Variants in INAVA observed in about 807,000 individuals in gnomAD.
INAVA encodes innate immunity activator, also known as innate immunity activator protein.
A neutral mutation model predicts 55.3 loss-of-function variants in INAVA; 32 were observed. The ratio of observed to expected loss-of-function variants is 0.58; its 90% CI spans 0.44 to 0.78. The LOEUF (loss-of-function observed/expected upper bound fraction) is 0.78, where lower values mean the gene tolerates loss of function less well. INAVA is among the 30% of genes least tolerant of loss of function. The pLI is 0.00. For synonymous variants in INAVA, 294 were observed against 329.4 expected, an observed-to-expected ratio of 0.89 and a Z score of 1.16; for missense variants, 756 against 786.4, an observed-to-expected ratio of 0.96 and a Z score of 0.46.
rs780332935 is a variant in INAVA at position 200,909,209 on chromosome 1, C to T, written c.786-15C>T. ...AGGCATTCCTGCCACTGACCTGTCTCTAATCCTTTTGCAGCAGCCCAGCCA... is the reference window on the plus strand; with the variant it reads ...AGGCATTCCTGCCACTGACCTGTCTTTAATCCTTTTGCAGCAGCCCAGCCA... On this transcript the variant is annotated splice_polypyrimidine_tract_variant and intron_variant, in intron 7 of 9. Transcript: ENST00000413687. The T allele has an allele frequency of 6.0e-6, 9 of 1,499,476 alleles. No individual in the cohort carries two copies. Among genetic ancestry groups the T allele is most frequent in the South Asian group, 2.7e-5 (2 of 72,760 alleles). 92.9% of individuals were successfully genotyped at this position (1,499,476 alleles called of 1,614,324 possible). A position where few individuals can be genotyped will look rare whatever the true frequency, so the allele number is the denominator to read the frequency against.
At chr1:200,895,247 G>A (rs902714732) in intron 1 of INAVA, among the ~76,000 whole-genome samples, 160 bp downstream of exon 1, 14 of 152,246 alleles carry the variant, frequency 9.2e-5, no homozygotes, top group East Asian at 1.9e-4. Flanking sequence ...GGGCTTGGAC[G>A]GGAGCCTGTT....
chr1:200,898,307 C>A lies in INAVA; in HGVS notation c.-94C>A. ...TTATTGTTCTCTTTTCTCTTTAAAG[C>A]TGGGGAAGCTCCAGGCTACCTACAC... On this transcript the variant is annotated splice_region_variant and 5_prime_UTR_variant, in exon 2 of 10. It adds an upstream start codon to the 5' untranslated region. Transcript: ENST00000413687. The A allele has an allele frequency of 6.2e-7, 1 of 1,608,704 alleles. No homozygotes were observed. The highest frequency in any genetic ancestry group is 8.5e-7 in the Non-Finnish European group (1 of 1,178,586).
Position 200,909,336 on chromosome 1 carries a change from C to T in INAVA, c.898C>T (p.Arg300Cys), listed in dbSNP as rs1431318203. 3.1e-6 allele frequency: 5 copies of T among 1,610,656 alleles called. No individual in the cohort carries two copies. Among genetic ancestry groups the T allele is most frequent in the South Asian group, 2.2e-5 (2 of 90,764 alleles). Residue 300 changes from arginine to cysteine, a missense_variant, in exon 8 of 10, where the codon CGC (arginine) becomes TGC (cysteine). Transcript: ENST00000413687. ...TGGTGTTCCTGGCCAGTGGCAGGGC[C>T]GCACCAGTGCCCCAGCCACCCCTGA... ...IRGVPGQWQGRTSAPATPEIQ... is the reference protein window; with the variant it reads ...IRGVPGQWQGCTSAPATPEIQ...
At chr1:200,908,597 G>T in intron 6 of INAVA, 133 bp from the exon 7 acceptor site, 1 of 746,750 alleles carries the variant, frequency 1.3e-6, no homozygotes, top group East Asian at 2.7e-5. Flanking sequence ...TAGGGCTGGA[G>T]CCATGGCCTG....
In INAVA at chr1:200,911,568, C is replaced by T. The variant is rs758240655; in HGVS notation, c.1075C>T (p.Pro359Ser). The T allele has an allele frequency of 1.2e-6, 2 of 1,613,694 alleles. No homozygotes were observed. The highest frequency in any genetic ancestry group is 3.3e-5 in the Admixed American group (2 of 60,010). ...PDSCFPATKP[P>S]LPHAACHSCS... ...TTCCTGCTTTCCCGCGACCAAGCCC[C>T]CGCTGCCCCACGCCGCCTGCCACTC... The change falls in exon 9 of 10, where the codon CCG becomes TCG. Residue 359 changes from proline to serine, a missense_variant. Around this residue, in one of 2 missense-constraint regions of INAVA, gnomAD observed 639 missense variants for 624.3 expected, o/e 1.02. Coordinates refer to ENST00000413687, the MANE Select transcript of INAVA (RefSeq NM_001142569.3).
At position 200,899,423 on chromosome 1, in the gene INAVA, G is replaced by T. The variant is rs191971103; in HGVS notation, c.56-50G>T. ...TAGGGGTGGTCAATAAGTAACGGAG[G>T]AGGCTTCCATCTTCAGCCTCCCTGA... On this transcript the variant is annotated intron_variant, in intron 2 of 9. Coordinates refer to ENST00000413687, the MANE Select transcript of INAVA (RefSeq NM_001142569.3). The T allele has an allele frequency of 5.0e-6, 8 of 1,610,512 alleles. 1 individual carries two copies. In the Admixed American group the frequency reaches 1.3e-4, roughly 27 times the overall value.
At chr1:200,894,558 C>G (rs537463637), upstream of INAVA, among the ~76,000 whole-genome samples, 3 of 152,038 alleles carry the variant, frequency 2.0e-5, no homozygotes, top group Non-Finnish European at 2.9e-5. Context: ...ACCTTGCTTC[C>G]GGGGTGCTTA....
At chr1:200,894,692 A>T (rs1329082163), upstream of INAVA, 17 of 692,362 alleles carry the variant, frequency 2.5e-5, no homozygotes, top group South Asian at 1.0e-3. Flanking sequence ...TCTTGAGGCC[A>T]TGAAGACATG....
At chr1:200,895,171 C>A (rs1668317050) in intron 1 of INAVA, 84 bp downstream of exon 1, 1 of 961,690 alleles carries the variant, frequency 1.0e-6, no homozygotes, top group Non-Finnish European at 1.2e-6. Context: ...GTGGCCATCA[C>A]CCCCCTCCGA....
rs574038531 is a variant in INAVA, at chr1:200,898,181, C to T, written c.-94-126C>T. 55 of 1,012,900 alleles carry T rather than the reference C, an allele frequency of 5.4e-5. No individual in the cohort carries two copies. In the South Asian group the frequency reaches 5.5e-4, roughly 10 times the overall value. The allele number at this position is 1,012,900 out of a possible 1,614,324, so 62.7% of individuals were successfully genotyped here. ...GCACCCCCAGTGCCAGAATCTCCTG[C>T]CCCAGATGGTTCCTGAAGCACAGTC... On this transcript the variant is annotated intron_variant, in intron 1 of 9. Transcript: ENST00000413687.
rs556897462 is a variant in INAVA, at chr1:200,895,686, G to A, written c.-95+599G>A. Among the ~76,000 whole-genome samples, 6 of 152,244 alleles carry A rather than the reference G, an allele frequency of 3.9e-5. No individual in the cohort carries two copies. In the East Asian group the frequency reaches 1.2e-3, roughly 29 times the overall value. ...CCCTACAGCTGTGGAGGGCGGCCTCGGCAGAGGCAGATGTGAGGGTCCGCT... is the reference window on the plus strand; with the variant it reads ...CCCTACAGCTGTGGAGGGCGGCCTCAGCAGAGGCAGATGTGAGGGTCCGCT... On this transcript the variant is annotated intron_variant, in intron 1 of 9. Coordinates refer to ENST00000413687, the MANE Select transcript of INAVA (RefSeq NM_001142569.3).
At chr1:200,913,149 CA>C (rs1017471061) in intron 9 of INAVA, among the ~76,000 whole-genome samples, 4 of 152,178 alleles carry the variant, frequency 2.6e-5, no homozygotes, top group African/African-American at 9.7e-5. Context: ...GGCCTGGCAG[CA>C]CCCTGGCCCC....
At chr1:200,891,609 G>A, upstream of INAVA, 1 of 1,556,372 alleles carries the variant, frequency 6.4e-7, no homozygotes, top group Non-Finnish European at 8.7e-7. Context: ...CTCGGGGGGA[G>A]GGAAGATGGC....
At chr1:200,894,872 A>G (rs1379889228), upstream of INAVA, 2 of 985,660 alleles carry the variant, frequency 2.0e-6, no homozygotes, top group Non-Finnish European at 2.4e-6. Flanking sequence ...GACTCAAGTC[A>G]TAACAAGTAA....
rs150962388 is a variant in INAVA, at chr1:200,900,111, C to T, written c.188C>T (p.Thr63Met). 214 of 1,611,964 alleles carry T rather than the reference C, an allele frequency of 1.3e-4. 1 individual carries two copies. In the African/African-American group the frequency reaches 2.2e-3, roughly 17 times the overall value. ...RRLCLREAEL[T>M]GTLPAEYPLK... ...TCTCTGCTTCCTCCCCAGGAGCTGA[C>T]GGGCACCTTGCCAGCGGAGTATCCC... The change falls in exon 4 of 10, where the codon ACG (threonine) becomes ATG (methionine). Residue 63 changes from threonine to methionine, a missense_variant. Physicochemically the swap from Thr to Met is moderately conservative, Grantham distance 81 (BLOSUM62 -1). Transcript: ENST00000413687.
At chr1:200,900,902 CCT>C in intron 4 of INAVA, 33 bp from the exon 5 acceptor site, 2 of 1,484,834 alleles carry the variant, frequency 1.3e-6, no homozygotes, top group Non-Finnish European at 1.8e-6. Flanking sequence ...AATCTCCCTG[CCT>C]CTCTCTAGCC....
chr1:200,910,667 C>T (rs1057211653), intron 8 of INAVA, among the ~76,000 whole-genome samples: 5 of 152,216 alleles, frequency 3.3e-5, no homozygotes, highest in African/African-American at 7.2e-5. Flanking sequence ...CTGCAACCTC[C>T]GCCTCTCAGG....
chr1:200,907,757 C>T, intron 5 of INAVA, 77 bp from the exon 6 acceptor site: 1 of 1,249,186 alleles, frequency 8.0e-7, no homozygotes. Context: ...GCCTGAGCTG[C>T]TCAGCACTGC....
upstream of INAVA, among the ~76,000 whole-genome samples, chr1:200,893,159 G>T (rs959222415): frequency 1.3e-5 from 2 of 152,138 alleles, no homozygotes; most frequent in African/African-American, 4.8e-5. Context: ...GCCATTAATA[G>T]AATTCATAGT....
Sources: allele counts gnomAD v4.1 joint callset (sites outside exome capture counted in the v4.1 genomes callset), GRCh38; gene constraint gnomAD v4.1.1; regional missense constraint gnomAD v4.1.1; transcripts MANE v1.5; gene names NCBI Gene and HGNC (gene_info 2026-07-23, HGNC 2026-07-21).